TRANK1: variants seen among roughly 807,000 people sequenced by gnomAD.
The protein encoded by TRANK1 is tetratricopeptide repeat and ankyrin repeat containing 1.
Under a neutral mutation model 266.0 loss-of-function variants are expected in TRANK1, and 198 were observed. The ratio of observed to expected loss-of-function variants is 0.74; its 90% CI spans 0.66 to 0.84. The LOEUF is 0.84. Among genes scored for constraint, TRANK1 ranks in the 40% least tolerant of loss-of-function variants. The probability of loss-of-function intolerance (pLI) is 0.00; values close to 1 mark genes in which losing one functional copy is unlikely to be tolerated. For synonymous variants in TRANK1, 1,396 were observed against 1,384.1 expected (o/e 1.01, Z -0.19); for missense variants, 3,326 against 3,634.6 (o/e 0.92, Z 2.18).
intron 9 of TRANK1, among the ~76,000 whole-genome samples, chr3:36,866,078 AAGAAAGAAAG>A (rs2125561498): frequency 6.6e-6 from 1 of 150,966 alleles, no homozygotes; most frequent in African/African-American, 2.5e-5. Flanking sequence ...GAAAGAAAGA[AAGAAAGAAAG>A]AAAGAAAGAA....
At chr3:36,944,187 A>T (rs2080537480) in intron 1 of TRANK1, among the ~76,000 whole-genome samples, 1 of 152,090 alleles carries the variant, frequency 6.6e-6, no homozygotes, top group Admixed American at 6.5e-5. Flanking sequence ...GGTCCCTACT[A>T]CTACCTTCCC....
chr3:36,852,065 T>C (rs2078991529), intron 14 of TRANK1, 81 bp downstream of exon 14: 1 of 1,433,970 alleles, frequency 7.0e-7, no homozygotes. Context: ...AATGCTACTT[T>C]GTGGTATAAT....
Position 36,861,144 on chromosome 3 carries a change from C to G in TRANK1, c.1257G>C (p.Leu419=). ...CACAGTCTTGATTAATATCACAGAC[C>G]AGGTCAGGAGGAATTTCTTTCAAAA... ...LSTLQEIPPD[L]VCDINQDCAT... is the part of the protein sequence containing the mutation. The change falls in exon 11 of 24, where the codon CTG becomes CTC. Residue 419 remains leucine, a synonymous_variant. Transcript: ENST00000645898. 6.5e-7 allele frequency: 1 copy of G among 1,536,944 alleles called. No individual in the cohort carries two copies. The highest frequency in any genetic ancestry group is 1.2e-5 in the South Asian group (1 of 84,028).
At position 36,832,352 on chromosome 3, in the gene TRANK1, C is replaced by G. The variant is rs1384107626; in HGVS notation, c.7231G>C (p.Glu2411Gln). 1.9e-6 allele frequency: 3 copies of G among 1,613,876 alleles called. No individual in the cohort carries two copies. In the African/African-American group the frequency reaches 4.0e-5, roughly 22 times the overall value. ...KTHLCFIRLL[E>Q]NCIDQFYVYR... is the part of the protein sequence containing the mutation. Reference sequence around the variant, plus strand: ...ACGTAGAATTGATCAATGCAATTCTCCAGAAGCCGGATGAAGCACAGGTGG... The same window carrying G: ...ACGTAGAATTGATCAATGCAATTCTGCAGAAGCCGGATGAAGCACAGGTGG... The change falls in exon 22 of 24, where the codon GAG (glutamate) becomes CAG (glutamine). Residue 2411 changes from glutamate to glutamine, a missense_variant. Physicochemically the swap from Glu to Gln is conservative, Grantham distance 29. Coordinates refer to ENST00000645898, the MANE Select transcript of TRANK1 (RefSeq NM_001329998.2).
intron 1 of TRANK1, among the ~76,000 whole-genome samples, chr3:36,937,738 A>C (rs1419130982): frequency 6.6e-6 from 1 of 152,226 alleles, no homozygotes; most frequent in Non-Finnish European, 1.5e-5. Flanking sequence ...TAGGCTGCCC[A>C]ATAACTGCCA....
At position 36,835,161 on chromosome 3, in the gene TRANK1, T is replaced by C. The variant is rs187859311; in HGVS notation, c.5518-254A>G. ...GGTGAAACCCCGTCTCTACTAAAAA[T>C]ACAAAAAATTAGCCGGGCGTAGTGG... is the stretch of plus-strand genomic sequence containing the variant. On this transcript the variant is annotated intron_variant, in intron 20 of 23. Transcript: ENST00000645898. 2.0e-3 allele frequency among the ~76,000 whole-genome samples: 302 copies of C among 150,532 alleles called. 2 individuals carry two copies. The highest frequency in any genetic ancestry group is 0.014 in the Admixed American group (218 of 15,164).
intron 9 of TRANK1, among the ~76,000 whole-genome samples, chr3:36,870,479 AC>A (rs1460271538): frequency 2.6e-5 from 4 of 150,988 alleles, no homozygotes; most frequent in Non-Finnish European, 1.5e-5. Flanking sequence ...ATACAACTCC[AC>A]CTTGCCAGCC....
At chr3:36,842,327 G>A (rs1051481741) in intron 18 of TRANK1, among the ~76,000 whole-genome samples, 9 of 152,246 alleles carry the variant, frequency 5.9e-5, no homozygotes, top group African/African-American at 9.6e-5. Flanking sequence ...GAGTACAGGA[G>A]GGAAAGAAAA....
At position 36,831,881 on chromosome 3, in the gene TRANK1, C is replaced by A. The variant is rs370618843; in HGVS notation, c.7702G>T (p.Val2568Leu). Reference sequence around the variant, plus strand: ...ATCTCCTCAGCATTCACTAGCATCACCAAGCACAGCACCAGTGTCCGCTCA... The same window carrying A: ...ATCTCCTCAGCATTCACTAGCATCAACAAGCACAGCACCAGTGTCCGCTCA... The part of the protein sequence containing the change: ...EAERTLVLCL[V>L]MLVNAEEILQ... The change falls in exon 22 of 24, where the codon GTG becomes TTG. Residue 2568 changes from valine to leucine, a missense_variant. By Grantham distance (32) the Val-to-Leu change is conservative (BLOSUM62 1). Transcript: ENST00000645898. The surrounding 1 kb of genome is among the most constrained non-coding windows in gnomAD (Gnocchi z 5.0). The A allele has an allele frequency of 9.3e-6, 15 of 1,613,910 alleles. No individual in the cohort carries two copies. Among genetic ancestry groups the A allele is most frequent in the Non-Finnish European group, 1.2e-5 (14 of 1,179,916 alleles).
At chr3:36,873,404 T>A (rs1266200369) in intron 9 of TRANK1, among the ~76,000 whole-genome samples, 3 of 152,178 alleles carry the variant, frequency 2.0e-5, no homozygotes, top group Non-Finnish European at 4.4e-5. Flanking sequence ...ATATACATGT[T>A]TCATTAAACT....
intron 8 of TRANK1, among the ~76,000 whole-genome samples, chr3:36,883,862 G>A (rs112049411): frequency 6.6e-6 from 1 of 152,152 alleles, no homozygotes; most frequent in African/African-American, 2.4e-5. Flanking sequence ...AAATGAGTTT[G>A]AGTGTCCTAC....
intron 15 of TRANK1, among the ~76,000 whole-genome samples, chr3:36,848,793 A>C (rs900185892): frequency 6.6e-6 from 1 of 152,238 alleles, no homozygotes; most frequent in African/African-American, 2.4e-5. Context: ...AAAATTGTTT[A>C]CCAAGGAAAG....
rs2079069366 is a variant in TRANK1 at position 36,857,249 on chromosome 3, A to C, written c.2473T>G (p.Cys825Gly). 6.2e-7 allele frequency: 1 copy of C among 1,612,656 alleles called. No individual in the cohort carries two copies. The highest frequency in any genetic ancestry group is 1.3e-5 in the African/African-American group (1 of 74,922). ...DDWSTQEIEACLQDFDNMTWE... is the reference protein window; with the variant it reads ...DDWSTQEIEAGLQDFDNMTWE... ...GTCATGTTATCGAAGTCCTGGAGGC[A>C]GGCCTCAATCTCCTGCGTGCTCCAG... Residue 825 changes from cysteine to glycine, a missense_variant, in exon 13 of 24, where the codon TGC (cysteine) becomes GGC (glycine). Physicochemically the swap from Cys to Gly is radical, Grantham distance 159. Transcript: ENST00000645898. The surrounding 1 kb of genome is among the most constrained non-coding windows in gnomAD (Gnocchi z 4.3).
At chr3:36,836,994 C>T (rs2078778878) in intron 20 of TRANK1, among the ~76,000 whole-genome samples, 1 of 152,210 alleles carries the variant, frequency 6.6e-6, no homozygotes, top group Non-Finnish European at 1.5e-5. Context: ...CCACAGTCAC[C>T]AAGGCCCTAC....
intron 1 of TRANK1, among the ~76,000 whole-genome samples, chr3:36,913,271 G>C (rs915099033): frequency 1.3e-5 from 2 of 151,952 alleles, no homozygotes; most frequent in Non-Finnish European, 2.9e-5. Context: ...GACTGGTCTC[G>C]AACTCCTGAC....
At chr3:36,891,737 A>G (rs1231453686) in intron 7 of TRANK1, among the ~76,000 whole-genome samples, 1 of 152,272 alleles carries the variant, frequency 6.6e-6, no homozygotes, top group East Asian at 1.9e-4. Flanking sequence ...GCCAAACTGT[A>G]TCAGCAACAG....
chr3:36,849,758 G>A (rs2078962930), intron 15 of TRANK1, among the ~76,000 whole-genome samples: 1 of 152,232 alleles, frequency 6.6e-6, no homozygotes, highest in Admixed American at 6.5e-5. Flanking sequence ...CTCATCTGCT[G>A]ACTGACTCCC....
At chr3:36,904,024 T>G (rs957004176) in intron 2 of TRANK1, among the ~76,000 whole-genome samples, 1 of 151,856 alleles carries the variant, frequency 6.6e-6, no homozygotes, top group Non-Finnish European at 1.5e-5. Flanking sequence ...AGTGGTGCAA[T>G]CTCAGCTCAC....
chr3:36,874,370 T>G, intron 8 of TRANK1, 74 bp from the exon 9 acceptor site: 1 of 1,470,612 alleles, frequency 6.8e-7, no homozygotes, highest in African/African-American at 1.4e-5. Flanking sequence ...GTGCTCTTCT[T>G]CTCAGTCTCC....
Sources: gnomAD v4.1 joint callset for allele counts (sites outside exome capture counted in the v4.1 genomes callset) on GRCh38, gnomAD v4.1.1 for gene constraint, Gnocchi (gnomAD v3.1) non-coding constraint, MANE v1.5 for transcripts, NCBI Gene and HGNC (gene_info 2026-07-23, HGNC 2026-07-21) for gene names.